Variants in ST6GALNAC3 observed in about 807,000 individuals in gnomAD.
ST6GALNAC3 encodes ST6 N-acetylgalactosaminide alpha-2,6-sialyltransferase 3.
ST6GALNAC3 carries 25 observed loss-of-function variants against 32.7 expected under a neutral mutation model. The ratio of observed to expected loss-of-function variants is 0.76; its 90% CI spans 0.56 to 1.07. The LOEUF (loss-of-function observed/expected upper bound fraction) is 1.07, where lower values mean the gene tolerates loss of function less well. Ranked by LOEUF, ST6GALNAC3 falls within the 50% of genes least tolerant of loss-of-function variation. The pLI is 0.00. For synonymous variants in ST6GALNAC3, 129 were observed against 133.1 expected (o/e 0.97, Z 0.21); for missense variants, 355 against 382.4 (o/e 0.93, Z 0.60).
chr1:76,117,958 A>G (rs895939238), intron 1 of ST6GALNAC3, among the ~76,000 whole-genome samples: 3 of 152,218 alleles, frequency 2.0e-5, no homozygotes, highest in African/African-American at 7.2e-5. Flanking sequence ...AATAATATTT[A>G]TAAGACACAG....
chr1:76,528,786 A>C (rs1205264046), intron 3 of ST6GALNAC3, among the ~76,000 whole-genome samples: 1 of 151,558 alleles, frequency 6.6e-6, no homozygotes, highest in Non-Finnish European at 1.5e-5. Context: ...ATCTTTGTTC[A>C]GGTGGCTGGC....
chr1:76,113,275 C>T (rs1172642914), intron 1 of ST6GALNAC3, among the ~76,000 whole-genome samples: 2 of 148,852 alleles, frequency 1.3e-5, no homozygotes, highest in African/African-American at 5.0e-5. Flanking sequence ...TTGCAGTGAG[C>T]CGAGATGGCA....
chr1:76,493,971 G>T (rs1660652386), intron 3 of ST6GALNAC3, among the ~76,000 whole-genome samples: 1 of 152,108 alleles, frequency 6.6e-6, no homozygotes, highest in South Asian at 2.1e-4. Context: ...TCTTATCTTT[G>T]CCTGGGCCCT....
chr1:76,129,842 T>C (rs769825639), intron 1 of ST6GALNAC3, among the ~76,000 whole-genome samples: 8 of 152,030 alleles, frequency 5.3e-5, no homozygotes, highest in South Asian at 2.1e-4. Context: ...CATGGCCGGG[T>C]GTTAAAGATC....
At chr1:76,588,303 T>C (rs1348753994) in intron 3 of ST6GALNAC3, among the ~76,000 whole-genome samples, 6 of 152,084 alleles carry the variant, frequency 3.9e-5, no homozygotes, top group African/African-American at 1.4e-4. Flanking sequence ...AAGTGTATGA[T>C]CCCTTCCCCA....
chr1:76,554,173 C>A (rs1664788316), intron 3 of ST6GALNAC3, among the ~76,000 whole-genome samples: 1 of 152,126 alleles, frequency 6.6e-6, no homozygotes, highest in Non-Finnish European at 1.5e-5. Flanking sequence ...CCTTGATTAA[C>A]TATGAAGTAA....
chr1:76,106,624 G>GTGGA (rs1647554336), intron 1 of ST6GALNAC3, among the ~76,000 whole-genome samples: 1 of 152,128 alleles, frequency 6.6e-6, no homozygotes, highest in Non-Finnish European at 1.5e-5. Context: ...GTGGGGTGAG[G>GTGGA]TGGATCATCA....
chr1:76,519,307 G>T (rs188721181), intron 3 of ST6GALNAC3, among the ~76,000 whole-genome samples: 36 of 152,016 alleles, frequency 2.4e-4, no homozygotes, highest in Admixed American at 2.2e-3. Context: ...AAAATTCTAG[G>T]TTAAAAATTA....
chr1:76,469,533 TTA>T (rs1441390191), intron 3 of ST6GALNAC3, among the ~76,000 whole-genome samples: 3 of 152,120 alleles, frequency 2.0e-5, no homozygotes, highest in Non-Finnish European at 1.5e-5. Flanking sequence ...ATTTCTCTTC[TTA>T]TAAGAGTTTT....
chr1:76,089,480 A>C (rs1462629120), intron 1 of ST6GALNAC3, among the ~76,000 whole-genome samples: 1 of 152,234 alleles, frequency 6.6e-6, no homozygotes, highest in African/African-American at 2.4e-5. Context: ...CAGAACTTTA[A>C]AAGTTAAAAT....
intron 3 of ST6GALNAC3, among the ~76,000 whole-genome samples, chr1:76,519,870 T>A (rs1557520337): frequency 3.3e-5 from 5 of 151,712 alleles, no homozygotes; most frequent in African/African-American, 1.2e-4. Flanking sequence ...ATGAAAATTT[T>A]AAAAAGTGTA....
intron 1 of ST6GALNAC3, among the ~76,000 whole-genome samples, chr1:76,112,524 C>G (rs1166323184): frequency 2.6e-5 from 4 of 151,390 alleles, no homozygotes; most frequent in African/African-American, 9.7e-5. Context: ...GGTATTGACC[C>G]CCACCTCCCT....
intron 3 of ST6GALNAC3, among the ~76,000 whole-genome samples, chr1:76,432,225 A>AT (rs552199583): frequency 2.2e-4 from 33 of 152,164 alleles, no homozygotes; most frequent in African/African-American, 7.7e-4. Flanking sequence ...ATAATATTCC[A>AT]TTGTCCGAAT....
intron 3 of ST6GALNAC3, among the ~76,000 whole-genome samples, chr1:76,573,664 C>CTTTT (rs35242060): frequency 6.1e-5 from 9 of 147,662 alleles, no homozygotes; most frequent in Admixed American, 6.7e-5. Flanking sequence ...CTTTCTTCTC[C>CTTTT]TTTTTTTTTT....
chr1:76,326,857 A>G (rs1365987272), intron 2 of ST6GALNAC3, among the ~76,000 whole-genome samples: 1 of 96,236 alleles, frequency 1.0e-5, no homozygotes, highest in South Asian at 3.4e-4. Flanking sequence ...TTGTTTAGGT[A>G]TGCAATCTCA....
At chr1:76,317,090 A>T (rs17098690) in intron 2 of ST6GALNAC3, among the ~76,000 whole-genome samples, 2,684 of 152,252 alleles carry the variant, frequency 0.018, 85 homozygotes, top group African/African-American at 0.062. Context: ...AGTTGAAAAC[A>T]TTAGAACACT....
chr1:76,374,210 T>G (rs1159338642), intron 2 of ST6GALNAC3, among the ~76,000 whole-genome samples: 1 of 152,224 alleles, frequency 6.6e-6, no homozygotes, highest in African/African-American at 2.4e-5. Context: ...GTCTGCTCAA[T>G]GTGCAGCAGC....
At chr1:76,099,580 T>C (rs909369196) in intron 1 of ST6GALNAC3, among the ~76,000 whole-genome samples, 2 of 151,254 alleles carry the variant, frequency 1.3e-5, no homozygotes, top group Non-Finnish European at 2.9e-5. Context: ...CATGAAAGAG[T>C]ACGTAATACG....
intron 2 of ST6GALNAC3, among the ~76,000 whole-genome samples, chr1:76,342,580 G>C (rs1648139104): frequency 6.6e-6 from 1 of 151,042 alleles, no homozygotes; most frequent in Non-Finnish European, 1.5e-5. Context: ...ATTTGTTTAA[G>C]TTTCTTGTAG....
Sources: allele counts gnomAD v4.1 joint callset (sites outside exome capture counted in the v4.1 genomes callset), GRCh38; gene constraint gnomAD v4.1.1; transcripts MANE v1.5; gene names NCBI Gene and HGNC (gene_info 2026-07-23, HGNC 2026-07-21).